The following ZMAT4 variants were observed in gnomAD, a reference collection of about 807,000 sequenced individuals.
The protein encoded by ZMAT4 is zinc finger matrin-type protein 4.
A neutral mutation model predicts 28.7 loss-of-function variants in ZMAT4; 17 were observed. The ratio of observed to expected loss-of-function variants is 0.59; its 90% CI spans 0.41 to 0.89. The LOEUF (loss-of-function observed/expected upper bound fraction) is 0.89, where lower values mean the gene tolerates loss of function less well. Among genes scored for constraint, ZMAT4 ranks in the 40% least tolerant of loss-of-function variants. The pLI is 0.00. For missense variants in ZMAT4, 240 were observed against 283.8 expected, an observed-to-expected ratio of 0.85 and a Z score of 1.11; for synonymous variants, 117 against 109.2, an observed-to-expected ratio of 1.07 and a Z score of -0.44.
chr8:40,773,929 A>C (rs920291449), intron 2 of ZMAT4, among the ~76,000 whole-genome samples: 1 of 152,142 alleles, frequency 6.6e-6, no homozygotes, highest in African/African-American at 2.4e-5. Context: ...CAGAATAAAC[A>C]GACAAATACA....
intron 5 of ZMAT4, among the ~76,000 whole-genome samples, chr8:40,657,676 G>A (rs1807986789): frequency 6.6e-6 from 1 of 152,094 alleles, no homozygotes; most frequent in Admixed American, 6.6e-5. Context: ...CTTAGAAATT[G>A]TGACTTTAAT....
chr8:40,823,862 C>A (rs1815923754), intron 2 of ZMAT4, among the ~76,000 whole-genome samples: 2 of 152,260 alleles, frequency 1.3e-5, no homozygotes, highest in South Asian at 4.1e-4. Context: ...AATTTTTTCA[C>A]AGGTGCTGAT....
intron 2 of ZMAT4, among the ~76,000 whole-genome samples, chr8:40,809,702 A>AATAG (rs1389449569): frequency 6.6e-6 from 1 of 152,184 alleles, no homozygotes. Flanking sequence ...TTTAAAATTG[A>AATAG]ATAGATAGAT....
chr8:40,797,432 C>T (rs1038712837), intron 2 of ZMAT4, among the ~76,000 whole-genome samples: 1 of 152,154 alleles, frequency 6.6e-6, no homozygotes, highest in African/African-American at 2.4e-5. Flanking sequence ...TCTAAGAGCC[C>T]AATACATCCT....
At chr8:40,824,735 G>A (rs923484477) in intron 2 of ZMAT4, among the ~76,000 whole-genome samples, 1 of 139,354 alleles carries the variant, frequency 7.2e-6, no homozygotes, top group African/African-American at 2.7e-5. Flanking sequence ...AAAGAAAGAA[G>A]AAAGAAAGAA....
intron 6 of ZMAT4, among the ~76,000 whole-genome samples, chr8:40,547,025 T>A (rs989196313): frequency 1.3e-5 from 2 of 152,150 alleles, no homozygotes; most frequent in African/African-American, 2.4e-5. Context: ...AAGAGTGACA[T>A]TTCTTAAGGT....
chr8:40,701,140 T>C (rs1482194451), intron 3 of ZMAT4, among the ~76,000 whole-genome samples: 2 of 152,142 alleles, frequency 1.3e-5, no homozygotes, highest in Non-Finnish European at 2.9e-5. Flanking sequence ...AACTTGAGGG[T>C]TCAGTAGGGA....
chr8:40,683,474 G>GTA, intron 4 of ZMAT4, among the ~76,000 whole-genome samples: 1 of 152,284 alleles, frequency 6.6e-6, no homozygotes, highest in East Asian at 1.9e-4. Context: ...TTAACATTTT[G>GTA]AGGAAAGCCT....
chr8:40,794,030 A>T (rs1368298851), intron 2 of ZMAT4, among the ~76,000 whole-genome samples: 5 of 152,216 alleles, frequency 3.3e-5, no homozygotes, highest in Non-Finnish European at 7.3e-5. Context: ...ACCAAAGAGA[A>T]TTTCCCTTGC....
chr8:40,646,418 G>C (rs1418035717), intron 5 of ZMAT4, among the ~76,000 whole-genome samples: 1 of 151,266 alleles, frequency 6.6e-6, no homozygotes, highest in Non-Finnish European at 1.5e-5. Context: ...AATTAATATT[G>C]TATCACTTTC....
chr8:40,672,766 G>T (rs1808732157), intron 5 of ZMAT4, among the ~76,000 whole-genome samples: 1 of 152,154 alleles, frequency 6.6e-6, no homozygotes, highest in African/African-American at 2.4e-5. Context: ...CTTGTTATCT[G>T]CCAGTAACAC....
At chr8:40,576,666 G>T (rs1438322079) in intron 6 of ZMAT4, among the ~76,000 whole-genome samples, 2 of 152,012 alleles carry the variant, frequency 1.3e-5, no homozygotes, top group African/African-American at 4.8e-5. Context: ...GTTTAAGGAA[G>T]TCCTACATCT....
rs184067191 is a variant in ZMAT4, at chr8:40,674,634, G to A, written c.577+70C>T. The A allele has an allele frequency of 3.4e-5, 43 of 1,255,932 alleles. No individual in the cohort carries two copies. In the African/African-American group the frequency reaches 3.6e-4, roughly 10 times the overall value. 77.8% of individuals were successfully genotyped at this position (1,255,932 alleles called of 1,614,324 possible). A position where few individuals can be genotyped will look rare whatever the true frequency, so the allele number is the denominator to read the frequency against. ...TTAAAGCAAGAAGAAGAATCATTCC[G>A]ATTTGTGAAAGCCGCATCTTTTCTC... is the stretch of plus-strand genomic sequence containing the variant. On this transcript the variant is annotated intron_variant, in intron 5 of 6. Coordinates refer to ENST00000297737, the MANE Select transcript of ZMAT4 (RefSeq NM_024645.3).
intron 3 of ZMAT4, among the ~76,000 whole-genome samples, chr8:40,737,294 A>G (rs1335722168): frequency 2.6e-5 from 4 of 152,048 alleles, no homozygotes; most frequent in African/African-American, 9.7e-5. Flanking sequence ...TCTTCTTCCA[A>G]TGTGACCCAA....
chr8:40,652,505 C>G (rs1327325524), intron 5 of ZMAT4, among the ~76,000 whole-genome samples: 2 of 41,630 alleles, frequency 4.8e-5, no homozygotes, highest in African/African-American at 1.2e-4. Context: ...CTAGTTCAAC[C>G]ACTGTGGAAG....
intron 3 of ZMAT4, among the ~76,000 whole-genome samples, chr8:40,732,026 G>C (rs1292904434): frequency 1.3e-5 from 2 of 152,162 alleles, no homozygotes. Flanking sequence ...GGGAGTCAGA[G>C]ACAGGAAGTA....
At chr8:40,683,730 A>C (rs538141593) in intron 4 of ZMAT4, among the ~76,000 whole-genome samples, 1 of 152,308 alleles carries the variant, frequency 6.6e-6, no homozygotes, top group East Asian at 1.9e-4. Flanking sequence ...TTATTTAAGA[A>C]GGAAACAAAA....
At chr8:40,580,576 T>A (rs1467767219) in intron 6 of ZMAT4, among the ~76,000 whole-genome samples, 2 of 152,232 alleles carry the variant, frequency 1.3e-5, no homozygotes, top group Non-Finnish European at 2.9e-5. Flanking sequence ...CCAGTGGTTT[T>A]TAAAGAGCTG....
At chr8:40,800,775 G>A (rs985129021) in intron 2 of ZMAT4, among the ~76,000 whole-genome samples, 12 of 152,016 alleles carry the variant, frequency 7.9e-5, no homozygotes, top group African/African-American at 2.9e-4. Flanking sequence ...TCATGGCATT[G>A]AATGCATACA....
Sources: gnomAD v4.1 joint callset for allele counts (sites outside exome capture counted in the v4.1 genomes callset) on GRCh38, gnomAD v4.1.1 for gene constraint, MANE v1.5 for transcripts, NCBI Gene and HGNC (gene_info 2026-07-23, HGNC 2026-07-21) for gene names.